The following ZC3H12B variants were observed in gnomAD, a reference collection of about 807,000 sequenced individuals.
ZC3H12B encodes zinc finger CCCH-type containing 12B, also known as probable ribonuclease ZC3H12B.
A neutral mutation model predicts 43.9 loss-of-function variants in ZC3H12B; 7 were observed. The ratio of observed to expected loss-of-function variants is 0.16; its 90% CI spans 0.09 to 0.30. ZC3H12B has a LOEUF of 0.30. Among genes scored for constraint, ZC3H12B ranks in the 10% least tolerant of loss-of-function variants. The probability of loss-of-function intolerance (pLI) is 1.00; values close to 1 mark genes in which losing one functional copy is unlikely to be tolerated. For missense variants in ZC3H12B, 475 were observed against 670.2 expected (o/e 0.71, Z 3.22); for synonymous variants, 222 against 241.7 (o/e 0.92, Z 0.76).
chrX:65,436,140 GAAGA>G (rs1206591177), intron 3 of ZC3H12B, among the ~76,000 whole-genome samples: 1 of 112,062 alleles, frequency 8.9e-6, no homozygotes, highest in Non-Finnish European at 1.9e-5. Flanking sequence ...GTAGCAGGAG[GAAGA>G]GAGAGTAAAG....
At chrX:65,230,082 A>G in the ZC3H12B span, among the ~76,000 whole-genome samples, 1 of 111,134 alleles carries the variant, frequency 9.0e-6, no homozygotes, top group Non-Finnish European at 1.9e-5. Context: ...AGACACATGC[A>G]CACGTATGTT....
At chrX:65,157,246 G>A in the ZC3H12B span, among the ~76,000 whole-genome samples, 3 of 112,055 alleles carry the variant, frequency 2.7e-5, no homozygotes, top group African/African-American at 9.7e-5. Context: ...CTTCCAATAT[G>A]CTGAGATTAC....
At chrX:65,236,827 C>T in the ZC3H12B span, among the ~76,000 whole-genome samples, 5 of 111,725 alleles carry the variant, frequency 4.5e-5, no homozygotes, top group East Asian at 2.8e-4. Flanking sequence ...TGCTCATTTT[C>T]GTCAGGTTTG....
the ZC3H12B span, among the ~76,000 whole-genome samples, chrX:65,342,071 T>A: frequency 0.14 from 15,155 of 109,908 alleles, 2,523 homozygotes; most frequent in African/African-American, 0.47. Flanking sequence ...TAGAGAAAGA[T>A]CTACCAAGCA....
the ZC3H12B span, among the ~76,000 whole-genome samples, chrX:65,219,229 C>A: frequency 9.0e-5 from 10 of 111,435 alleles, no homozygotes; most frequent in African/African-American, 3.3e-4. Flanking sequence ...GAGAAGAAAC[C>A]AGAAAAACAG....
the ZC3H12B span, among the ~76,000 whole-genome samples, chrX:65,141,630 T>G: frequency 1.8e-5 from 2 of 110,477 alleles, no homozygotes; most frequent in Non-Finnish European, 3.8e-5. Flanking sequence ...ACCTGAACAG[T>G]ATACACTGCA....
At chrX:65,156,419 C>T in the ZC3H12B span, among the ~76,000 whole-genome samples, 8 of 111,747 alleles carry the variant, frequency 7.2e-5, no homozygotes, top group East Asian at 2.8e-4. Flanking sequence ...CTTGCTCCAT[C>T]GCCCATGCTG....
the ZC3H12B span, among the ~76,000 whole-genome samples, chrX:65,156,614 C>T: frequency 6.3e-5 from 7 of 111,155 alleles, no homozygotes; most frequent in African/African-American, 2.0e-4. Flanking sequence ...CTCTCGACCC[C>T]AGGTAATCCA....
the ZC3H12B span, among the ~76,000 whole-genome samples, chrX:65,112,268 T>C: frequency 9.0e-6 from 1 of 111,586 alleles, no homozygotes; most frequent in Non-Finnish European, 1.9e-5. Context: ...GGAATAAAAA[T>C]TGGAAGCTAC....
the ZC3H12B span, among the ~76,000 whole-genome samples, chrX:65,331,555 T>A: frequency 9.9e-6 from 1 of 101,188 alleles, no homozygotes; most frequent in Non-Finnish European, 1.9e-5. Context: ...GTTTAATGTT[T>A]ATTTATTTAT....
chrX:65,390,247 G>C (rs778981901), intron 2 of ZC3H12B, among the ~76,000 whole-genome samples: 7 of 110,111 alleles, frequency 6.4e-5, no homozygotes, highest in Non-Finnish European at 1.1e-4. Context: ...TCACACACTG[G>C]GGCTGTCATA....
chrX:65,481,956 G>A (rs952278946), intron 3 of ZC3H12B, among the ~76,000 whole-genome samples: 10 of 111,542 alleles, frequency 9.0e-5, no homozygotes, highest in African/African-American at 2.6e-4. Flanking sequence ...TTCAGCTGAT[G>A]ATGTCATGGC....
At chrX:65,311,672 C>G in the ZC3H12B span, among the ~76,000 whole-genome samples, 1 of 111,721 alleles carries the variant, frequency 9.0e-6, no homozygotes, top group South Asian at 3.8e-4. Flanking sequence ...ATAAATCATG[C>G]TACTATAAAG....
At chrX:65,053,779 G>C in the ZC3H12B span, among the ~76,000 whole-genome samples, 1 of 111,569 alleles carries the variant, frequency 9.0e-6, no homozygotes, top group Non-Finnish European at 1.9e-5. Flanking sequence ...GTTGTTTCCT[G>C]ACTTTTTAAT....
At chrX:65,432,211 A>C (rs1013829579) in intron 3 of ZC3H12B, among the ~76,000 whole-genome samples, 1 of 111,579 alleles carries the variant, frequency 9.0e-6, no homozygotes, top group Non-Finnish European at 1.9e-5. Flanking sequence ...GTATATGTTC[A>C]ACTCTGTGGC....
intron 3 of ZC3H12B, among the ~76,000 whole-genome samples, chrX:65,449,199 G>T (rs888546274): frequency 9.0e-6 from 1 of 110,984 alleles, no homozygotes; most frequent in African/African-American, 3.3e-5. Flanking sequence ...AATAATGGAT[G>T]ATAAGCTTAA....
At chrX:65,093,681 A>G in the ZC3H12B span, among the ~76,000 whole-genome samples, 1 of 112,327 alleles carries the variant, frequency 8.9e-6, no homozygotes, top group African/African-American at 3.2e-5. Context: ...CTTTTGGAAT[A>G]GGGATATATT....
the ZC3H12B span, among the ~76,000 whole-genome samples, chrX:65,339,901 G>A: frequency 9.0e-6 from 1 of 111,695 alleles, no homozygotes; most frequent in African/African-American, 3.3e-5. Flanking sequence ...TGGGGGGCTG[G>A]GTTTTGGCTT....
the ZC3H12B span, among the ~76,000 whole-genome samples, chrX:65,262,121 A>G: frequency 1.8e-5 from 2 of 110,918 alleles, no homozygotes; most frequent in Non-Finnish European, 3.8e-5. Flanking sequence ...CTTTCACACT[A>G]TCTCTTTCCC....
Sources: gnomAD v4.1 joint callset for allele counts (sites outside exome capture counted in the v4.1 genomes callset) on GRCh38, gnomAD v4.1.1 for gene constraint, MANE v1.5 for transcripts, NCBI Gene and HGNC (gene_info 2026-07-23, HGNC 2026-07-21) for gene names.